The following ACER3 variants were observed in gnomAD, a reference collection of about 807,000 sequenced individuals.
ACER3 encodes the protein alkCDase 3.
Under a neutral mutation model 48.9 loss-of-function variants are expected in ACER3, and 16 were observed. That is an observed-to-expected ratio of 0.33 (90% confidence interval 0.22 to 0.50). The LOEUF (loss-of-function observed/expected upper bound fraction) is 0.50, where lower values mean the gene tolerates loss of function less well. Among genes scored for constraint, ACER3 ranks in the 20% least tolerant of loss-of-function variants. ACER3 has a pLI of 0.98. For synonymous variants in ACER3, 109 were observed against 107.8 expected (o/e 1.01, Z -0.07); for missense variants, 227 against 326.0 (o/e 0.70, Z 2.34).
intron 1 of ACER3, among the ~76,000 whole-genome samples, chr11:76,923,366 C>CTT (rs1946735361): frequency 6.6e-6 from 1 of 152,186 alleles, no homozygotes; most frequent in Non-Finnish European, 1.5e-5. Context: ...CCAGCAACCA[C>CTT]TGATCTTCTT....
chr11:76,925,892 A>G (rs1421292389), intron 1 of ACER3, among the ~76,000 whole-genome samples: 1 of 152,210 alleles, frequency 6.6e-6, no homozygotes, highest in Non-Finnish European at 1.5e-5. Flanking sequence ...TGATAATCAA[A>G]TTTATAAAAT....
intron 7 of ACER3, among the ~76,000 whole-genome samples, chr11:77,004,732 G>T (rs1256486836): frequency 6.6e-6 from 1 of 152,018 alleles, no homozygotes; most frequent in Non-Finnish European, 1.5e-5. Context: ...ATCCATATTA[G>T]CATAGCATTG....
intron 1 of ACER3, among the ~76,000 whole-genome samples, chr11:76,873,576 A>G (rs191049609): frequency 6.6e-6 from 1 of 152,324 alleles, no homozygotes; most frequent in South Asian, 2.1e-4. Flanking sequence ...TACCTTTCCC[A>G]AGCTTAAATG....
intron 2 of ACER3, among the ~76,000 whole-genome samples, chr11:76,957,954 T>A (rs1272581134): frequency 2.6e-5 from 4 of 151,846 alleles, no homozygotes; most frequent in Non-Finnish European, 5.9e-5. Context: ...TTTTTAATTT[T>A]ATTATTATTA....
chr11:76,904,835 C>CTATG (rs1352816588), intron 1 of ACER3, among the ~76,000 whole-genome samples: 2 of 138,186 alleles, frequency 1.4e-5, no homozygotes, highest in Non-Finnish European at 3.0e-5. Flanking sequence ...TGTCTTTTCT[C>CTATG]TATGTATGTG....
chr11:76,873,513 T>G (rs1437904866), intron 1 of ACER3, among the ~76,000 whole-genome samples: 1 of 152,176 alleles, frequency 6.6e-6, no homozygotes, highest in Non-Finnish European at 1.5e-5. Context: ...GGGTAATGAG[T>G]TAAGTTGAAC....
intron 3 of ACER3, among the ~76,000 whole-genome samples, chr11:76,968,786 A>G (rs1948213523): frequency 6.6e-6 from 1 of 152,244 alleles, no homozygotes; most frequent in Admixed American, 6.5e-5. Flanking sequence ...TTATACAAAA[A>G]TTAATTCAAG....
intron 1 of ACER3, among the ~76,000 whole-genome samples, chr11:76,878,241 G>A (rs1032518235): frequency 6.6e-6 from 1 of 151,916 alleles, no homozygotes; most frequent in Non-Finnish European, 1.5e-5. Context: ...TAACTATTAG[G>A]TTGGTGCAAA....
At chr11:76,959,231 G>C (rs551928333) in intron 3 of ACER3, 200 bp downstream of exon 3, 2 of 1,438,868 alleles carry the variant, frequency 1.4e-6, no homozygotes, top group South Asian at 2.7e-5. Context: ...AGTACAAATA[G>C]TATAGGGCTT....
At chr11:76,935,797 T>C (rs1332503921) in intron 2 of ACER3, among the ~76,000 whole-genome samples, 4 of 152,218 alleles carry the variant, frequency 2.6e-5, no homozygotes, top group Non-Finnish European at 5.9e-5. Context: ...TACATTTAAA[T>C]AAAATGTAAA....
chr11:77,017,563 C>G (rs1949394879), intron 9 of ACER3, among the ~76,000 whole-genome samples: 1 of 152,162 alleles, frequency 6.6e-6, no homozygotes, highest in South Asian at 2.1e-4. Context: ...ATCCACAGAT[C>G]CAATGCAATC....
chr11:76,958,920 G>A, intron 2 of ACER3, 59 bp from the exon 3 acceptor site: 1 of 1,564,312 alleles, frequency 6.4e-7, no homozygotes, highest in Non-Finnish European at 8.8e-7. Context: ...TGTCTTCTCA[G>A]GTCACTGTCC....
At chr11:76,947,073 G>A (rs764015811) in intron 2 of ACER3, among the ~76,000 whole-genome samples, 1 of 152,074 alleles carries the variant, frequency 6.6e-6, no homozygotes, top group African/African-American at 2.4e-5. Context: ...CTTCTATGGC[G>A]AATCCTAGTG....
chr11:76,868,861 G>A (rs998120832), intron 1 of ACER3, among the ~76,000 whole-genome samples: 9 of 152,206 alleles, frequency 5.9e-5, no homozygotes, highest in Non-Finnish European at 1.3e-4. Context: ...AGCTGAACAC[G>A]TGGAGACTGA....
chr11:76,933,519 C>G (rs1441550902), intron 2 of ACER3, among the ~76,000 whole-genome samples: 6 of 151,582 alleles, frequency 4.0e-5, no homozygotes, highest in Non-Finnish European at 5.9e-5. Flanking sequence ...ATCTGTTTAA[C>G]AAAGCACATC....
intron 2 of ACER3, among the ~76,000 whole-genome samples, chr11:76,932,175 C>T (rs1190248414): frequency 6.6e-6 from 1 of 152,086 alleles, no homozygotes; most frequent in Non-Finnish European, 1.5e-5. Flanking sequence ...ATCTCAAACT[C>T]CTGAGATCAA....
intron 3 of ACER3, among the ~76,000 whole-genome samples, chr11:76,970,902 C>G (rs1360221509): frequency 6.6e-6 from 1 of 152,190 alleles, no homozygotes; most frequent in Non-Finnish European, 1.5e-5. Context: ...CCAACAACCC[C>G]TGACAATCAC....
At chr11:76,996,491 T>A (rs1948913984) in intron 6 of ACER3, among the ~76,000 whole-genome samples, 1 of 152,022 alleles carries the variant, frequency 6.6e-6, no homozygotes, top group Non-Finnish European at 1.5e-5. Context: ...CGATCTTGGC[T>A]CACTGCAACC....
chr11:76,895,157 C>T, intron 1 of ACER3, among the ~76,000 whole-genome samples: 1 of 152,082 alleles, frequency 6.6e-6, no homozygotes, highest in East Asian at 1.9e-4. Context: ...TTACTGAATA[C>T]TTCCTTTCTA....
Sources: gnomAD v4.1 joint callset for allele counts (sites outside exome capture counted in the v4.1 genomes callset) on GRCh38, gnomAD v4.1.1 for gene constraint, MANE v1.5 for transcripts, NCBI Gene and HGNC (gene_info 2026-07-23, HGNC 2026-07-21) for gene names.